ACTN1: variants seen among roughly 807,000 people sequenced by gnomAD.
The protein encoded by ACTN1 is actinin alpha 1.
In ACTN1, 30 loss-of-function variants were observed where a neutral mutation model predicts 119.6. The observed-to-expected ratio is 0.25, with a 90% CI of 0.19 to 0.34. The LOEUF is 0.34. Ranked by LOEUF, ACTN1 falls within the 10% of genes least tolerant of loss-of-function variation. The probability of loss-of-function intolerance (pLI) is 1.00; values close to 1 mark genes in which losing one functional copy is unlikely to be tolerated. For missense variants in ACTN1, 764 were observed against 1,223.4 expected (o/e 0.62, Z 5.60); for synonymous variants, 429 against 472.6 (o/e 0.91, Z 1.20).
chr14:68,919,271 A>G (rs2034511017), intron 3 of ACTN1, among the ~76,000 whole-genome samples: 1 of 151,994 alleles, frequency 6.6e-6, no homozygotes, highest in Non-Finnish European at 1.5e-5. Flanking sequence ...TTAGGACATG[A>G]CTCTCTAGCT....
rs760980196 is a variant in ACTN1, at chr14:68,910,046, T to C, written c.428-4A>G. 3.1e-6 allele frequency: 5 copies of C among 1,612,908 alleles called. No homozygotes were observed. Among genetic ancestry groups the C allele is most frequent in the South Asian group, 2.2e-5 (2 of 90,994 alleles). On this transcript the variant is annotated splice_polypyrimidine_tract_variant and splice_region_variant and intron_variant, in intron 4 of 21. Transcript: ENST00000394419. ...AGCCCTTCCTTGGCTGAAGTCTCTA[T>C]GGGGAAGGGGATGGGCAGCGAGGTC...
chr14:68,958,629 G>A (rs2140587435), intron 1 of ACTN1, among the ~76,000 whole-genome samples: 1 of 152,138 alleles, frequency 6.6e-6, no homozygotes, highest in Admixed American at 6.5e-5. Context: ...AAAAAACCCA[G>A]CTCCTGGATA....
In ACTN1 at chr14:68,892,296, G is replaced by T. The variant is rs1031035185; in HGVS notation, c.856-13C>A. 1 of 1,604,732 alleles carries T rather than the reference G, an allele frequency of 6.2e-7. No homozygotes were observed. Among genetic ancestry groups the T allele is most frequent in the Admixed American group, 1.7e-5 (1 of 59,772 alleles). On this transcript the variant is annotated splice_polypyrimidine_tract_variant and intron_variant, in intron 9 of 21. Transcript: ENST00000394419. ...TCCACTCCAACAGCTAGGGTGGGAA[G>T]GCGGTGGGGGCAGGAGGTGAGGAGG...
At position 68,879,845 on chromosome 14, in the gene ACTN1, T is replaced by C; in HGVS notation, c.2280+117A>G. On this transcript the variant is annotated intron_variant, in intron 18 of 21. Coordinates refer to ENST00000394419, the MANE Select transcript of ACTN1 (RefSeq NM_001130004.2). This position sits in a 1 kb window ranked among gnomAD's most constrained non-coding sequence, Gnocchi z 4.9. ...TGAGTCAGGGCAGGCTGACGGCAGTTTCCCCTTTCTCTCCCTCCTCACTTG... is the reference window on the plus strand; with the variant it reads ...TGAGTCAGGGCAGGCTGACGGCAGTCTCCCCTTTCTCTCCCTCCTCACTTG... The C allele has an allele frequency of 7.0e-7, 1 of 1,437,820 alleles. No homozygotes were observed. The highest frequency in any genetic ancestry group is 9.4e-7 in the Non-Finnish European group (1 of 1,067,118). 89.1% of individuals were successfully genotyped at this position (1,437,820 alleles called of 1,614,324 possible).
At chr14:68,963,373 TTA>T (rs1298046597) in intron 1 of ACTN1, among the ~76,000 whole-genome samples, 1 of 152,204 alleles carries the variant, frequency 6.6e-6, no homozygotes, top group African/African-American at 2.4e-5. Flanking sequence ...AATGTCTGCT[TTA>T]TGTTTGTTAA....
At chr14:68,904,768 AG>A in intron 6 of ACTN1, 32 bp from the exon 7 acceptor site, 1 of 1,588,518 alleles carries the variant, frequency 6.3e-7, no homozygotes, top group Non-Finnish European at 8.6e-7. Context: ...GGGATGATAA[AG>A]TGAGAGCCAC....
rs370148312 is a variant in ACTN1 at position 68,904,619 on chromosome 14, G to A, written c.676+36C>T. The A allele has an allele frequency of 4.5e-5, 72 of 1,595,664 alleles. No homozygotes were observed. In the African/African-American group the frequency reaches 6.7e-4, roughly 15 times the overall value. ...CTTAGCCGCTGAGTGGCAGGTGGGC[G>A]ATGGGCAAGAGACACAGAAGGAAAG... On this transcript the variant is annotated intron_variant, in intron 7 of 21. Transcript: ENST00000394419.
At chr14:68,966,326 G>T (rs1236604912) in intron 1 of ACTN1, among the ~76,000 whole-genome samples, 2 of 152,200 alleles carry the variant, frequency 1.3e-5, no homozygotes, top group Non-Finnish European at 2.9e-5. Flanking sequence ...AGACCCCAGA[G>T]ATCATCTGCA....
At chr14:68,930,607 C>T (rs545172149) in intron 1 of ACTN1, among the ~76,000 whole-genome samples, 64 of 152,266 alleles carry the variant, frequency 4.2e-4, no homozygotes, top group African/African-American at 1.4e-3. Flanking sequence ...GAAAAGTATC[C>T]ATGGGAATGC....
At chr14:68,887,044 T>G (rs954727011) in intron 11 of ACTN1, 2 of 166,958 alleles carry the variant, frequency 1.2e-5, no homozygotes, top group Non-Finnish European at 2.6e-5. Context: ...TTGTACACAA[T>G]TCTTAACATA....
chr14:68,927,813 CA>C (rs916475717), intron 1 of ACTN1, among the ~76,000 whole-genome samples: 1 of 152,186 alleles, frequency 6.6e-6, no homozygotes, highest in Non-Finnish European at 1.5e-5. Context: ...CTCTTTAAAA[CA>C]AATATAATTT....
At chr14:68,960,388 G>C (rs1330773443) in intron 1 of ACTN1, among the ~76,000 whole-genome samples, 1 of 152,182 alleles carries the variant, frequency 6.6e-6, no homozygotes, top group Non-Finnish European at 1.5e-5. Flanking sequence ...TATGTGAGGT[G>C]ATGGATGTGT....
At chr14:68,903,536 CA>C (rs34115577) in intron 7 of ACTN1, among the ~76,000 whole-genome samples, 8,167 of 120,978 alleles carry the variant, frequency 0.068, 691 homozygotes, top group African/African-American at 0.22. Flanking sequence ...GACCCCGTCT[CA>C]AAAAAAAAAA....
intron 1 of ACTN1, among the ~76,000 whole-genome samples, chr14:68,942,498 G>A (rs953385163): frequency 1.3e-5 from 2 of 152,222 alleles, no homozygotes; most frequent in East Asian, 3.8e-4. Flanking sequence ...CACCACCCAG[G>A]AGGAAGTTTC....
chr14:68,900,412 C>T (rs907063104), intron 8 of ACTN1, among the ~76,000 whole-genome samples: 3 of 151,886 alleles, frequency 2.0e-5, no homozygotes, highest in African/African-American at 7.3e-5. Context: ...TCTGGACTCC[C>T]TGGAGAAGGC....
At chr14:68,954,548 G>A (rs1376224902) in intron 1 of ACTN1, among the ~76,000 whole-genome samples, 6 of 151,998 alleles carry the variant, frequency 3.9e-5, no homozygotes, top group Admixed American at 2.6e-4. Context: ...GACTGGTCTC[G>A]AACTCCTGAC....
chr14:68,876,464 C>A (rs1054102917), intron 21 of ACTN1, among the ~76,000 whole-genome samples: 2 of 152,032 alleles, frequency 1.3e-5, no homozygotes, highest in African/African-American at 4.8e-5. Flanking sequence ...CCCTCAGGTC[C>A]CTGGGCTGGA....
chr14:68,964,721 T>C (rs2036648741), intron 1 of ACTN1, among the ~76,000 whole-genome samples: 1 of 152,222 alleles, frequency 6.6e-6, no homozygotes, highest in Non-Finnish European at 1.5e-5. Context: ...ATAGGGCGGC[T>C]ATGATGATTC....
chr14:68,906,763 C>T (rs2033689027), intron 6 of ACTN1, among the ~76,000 whole-genome samples: 1 of 152,150 alleles, frequency 6.6e-6, no homozygotes, highest in African/African-American at 2.4e-5. Context: ...GAAGGGTGTT[C>T]CTGGTTCACT....
Sources: allele counts gnomAD v4.1 joint callset (sites outside exome capture counted in the v4.1 genomes callset), GRCh38; gene constraint gnomAD v4.1.1; non-coding constraint Gnocchi (gnomAD v3.1); transcripts MANE v1.5; gene names NCBI Gene and HGNC (gene_info 2026-07-23, HGNC 2026-07-21).